The following SLC1A2 variants were observed in gnomAD, a reference collection of about 807,000 sequenced individuals.
The protein encoded by SLC1A2 is excitatory amino acid transporter 2.
A neutral mutation model predicts 48.8 loss-of-function variants in SLC1A2; 15 were observed. The ratio of observed to expected loss-of-function variants is 0.31; its 90% CI spans 0.21 to 0.47. The LOEUF (loss-of-function observed/expected upper bound fraction) is 0.47, where lower values mean the gene tolerates loss of function less well. SLC1A2 is among the 20% of genes least tolerant of loss of function. The pLI is 0.99. For missense variants in SLC1A2, 502 were observed against 730.5 expected (o/e 0.69, Z 3.61); for synonymous variants, 279 against 272.6 (o/e 1.02, Z -0.23).
chr11:35,386,848 A>G (rs1001459563), intron 1 of SLC1A2, among the ~76,000 whole-genome samples: 1 of 152,208 alleles, frequency 6.6e-6, no homozygotes, highest in Non-Finnish European at 1.5e-5. Context: ...CCTTAAAATT[A>G]CCTTGTCTGA....
intron 1 of SLC1A2, among the ~76,000 whole-genome samples, chr11:35,388,935 G>A (rs76526624): frequency 4.6e-5 from 7 of 152,078 alleles, no homozygotes; most frequent in South Asian, 4.2e-4. Flanking sequence ...AATAAACACC[G>A]GGGACTCCAA....
At chr11:35,295,373 C>T (rs1046056944) in intron 6 of SLC1A2, among the ~76,000 whole-genome samples, 2 of 152,172 alleles carry the variant, frequency 1.3e-5, no homozygotes, top group African/African-American at 4.8e-5. Context: ...ACAACTTAGG[C>T]CTTCACTCCG....
chr11:35,369,150 T>C (rs1461655924), intron 1 of SLC1A2, among the ~76,000 whole-genome samples: 2 of 152,224 alleles, frequency 1.3e-5, no homozygotes, highest in Non-Finnish European at 2.9e-5. Context: ...CATCAAGTCC[T>C]GCTCTGGAGT....
chr11:35,343,129 GGGTGGTTGCA>G (rs1441010039), intron 1 of SLC1A2, among the ~76,000 whole-genome samples: 4 of 152,364 alleles, frequency 2.6e-5, no homozygotes, highest in African/African-American at 9.6e-5. Context: ...GAATAATACA[GGGTGGTTGCA>G]GGAGAATAGA....
intron 7 of SLC1A2, chr11:35,291,705 A>G (rs879413182): frequency 2.1e-4 from 33 of 154,614 alleles, no homozygotes; most frequent in Non-Finnish European, 3.7e-4. Flanking sequence ...TACTGGAACT[A>G]AGTAACAAAG....
At chr11:35,382,841 T>G (rs980417822) in intron 1 of SLC1A2, among the ~76,000 whole-genome samples, 1 of 151,948 alleles carries the variant, frequency 6.6e-6, no homozygotes, top group African/African-American at 2.4e-5. Context: ...ATGATCTAGA[T>G]CATGCTTTAG....
At chr11:35,338,936 C>T (rs1007054841) in intron 1 of SLC1A2, among the ~76,000 whole-genome samples, 1 of 152,196 alleles carries the variant, frequency 6.6e-6, no homozygotes, top group African/African-American at 2.4e-5. Context: ...AAGGGGTCAG[C>T]ATCTAGAGCT....
rs1554994050 is a variant in SLC1A2 at position 35,284,565 on chromosome 11, G to GTGTGTA, written c.1286+2191_1286+2192insTACACA. Among the ~76,000 whole-genome samples, 8 of 152,092 alleles carry GTGTGTA rather than the reference G, an allele frequency of 5.3e-5. No individual in the cohort carries two copies. In the South Asian group the frequency reaches 1.7e-3, roughly 32 times the overall value. ...ATATTGTGTGTGTGTGTGTGTGTGT[G>GTGTGTA]TGTATTAAACATGGTGAATTTTTTC... On this transcript the variant is annotated intron_variant, in intron 8 of 10. Transcript: ENST00000278379.
intron 1 of SLC1A2, among the ~76,000 whole-genome samples, chr11:35,341,241 G>GAAGTGGGGGTAACGAGACTT (rs1852830378): frequency 6.6e-6 from 1 of 152,168 alleles, no homozygotes; most frequent in Non-Finnish European, 1.5e-5. Context: ...GTAGAGGGGA[G>GAAGTGGGGGTAACGAGACTT]AAGTGGGGGT....
intron 1 of SLC1A2, among the ~76,000 whole-genome samples, chr11:35,326,878 A>G (rs1046894708): frequency 6.6e-6 from 1 of 152,190 alleles, no homozygotes; most frequent in African/African-American, 2.4e-5. Flanking sequence ...AAACTCACGG[A>G]AAAAGCAACC....
chr11:35,406,448 G>T (rs776423352), intron 1 of SLC1A2, among the ~76,000 whole-genome samples: 3 of 152,130 alleles, frequency 2.0e-5, no homozygotes, highest in Non-Finnish European at 2.9e-5. Flanking sequence ...GGAAGAGAAG[G>T]CCTCTCTGGG....
intron 1 of SLC1A2, among the ~76,000 whole-genome samples, chr11:35,404,766 C>T (rs2135281415): frequency 6.6e-6 from 1 of 152,276 alleles, no homozygotes; most frequent in South Asian, 2.1e-4. Context: ...TTGCCTTGAA[C>T]CCCATTGACA....
At chr11:35,323,003 T>C (rs561881326) in intron 1 of SLC1A2, 3 of 539,958 alleles carry the variant, frequency 5.6e-6, no homozygotes, top group African/African-American at 3.8e-5. Flanking sequence ...AGTCTCTCTC[T>C]GACAGATACC....
At chr11:35,291,386 C>T (rs1413505933) in intron 7 of SLC1A2, 2 of 151,990 alleles carry the variant, frequency 1.3e-5, no homozygotes, top group Non-Finnish European at 2.9e-5. Context: ...CACAGACTAC[C>T]GAATAGCTGG....
intron 1 of SLC1A2, among the ~76,000 whole-genome samples, chr11:35,359,161 C>G (rs1273568539): frequency 6.6e-6 from 1 of 152,168 alleles, no homozygotes; most frequent in Non-Finnish European, 1.5e-5. Flanking sequence ...ACAGCTATCA[C>G]ACAACAGGGA....
chr11:35,279,630 G>T (rs1850558033), intron 9 of SLC1A2, among the ~76,000 whole-genome samples: 1 of 152,174 alleles, frequency 6.6e-6, no homozygotes, highest in Non-Finnish European at 1.5e-5. Context: ...AGCTACCACT[G>T]CCTTTAGAAG....
intron 1 of SLC1A2, among the ~76,000 whole-genome samples, chr11:35,398,378 G>A (rs1326205436): frequency 1.3e-5 from 2 of 152,152 alleles, no homozygotes; most frequent in Non-Finnish European, 2.9e-5. Context: ...GATACATCTG[G>A]AGGCCATTAT....
Position 35,358,350 on chromosome 11 carries a change from C to A in SLC1A2, c.18-40834G>T, listed in dbSNP as rs534710068. Among the ~76,000 whole-genome samples, 10 of 152,226 alleles carry A rather than the reference C, an allele frequency of 6.6e-5. No individual in the cohort carries two copies. In the South Asian group the frequency reaches 1.5e-3, roughly 22 times the overall value. ...ACTGCTCTGCAATGAGCATGTAGAA[C>A]TTTTATGATCATAATATTAATCATG... On this transcript the variant is annotated intron_variant, in intron 1 of 10. Coordinates refer to ENST00000278379, the MANE Select transcript of SLC1A2 (RefSeq NM_004171.4).
intron 1 of SLC1A2, among the ~76,000 whole-genome samples, chr11:35,347,117 A>C (rs1853065179): frequency 6.6e-6 from 1 of 152,242 alleles, no homozygotes; most frequent in Non-Finnish European, 1.5e-5. Flanking sequence ...GAAAACAGAC[A>C]AGAAAAAAGA....
Sources: allele counts gnomAD v4.1 joint callset (sites outside exome capture counted in the v4.1 genomes callset), GRCh38; gene constraint gnomAD v4.1.1; transcripts MANE v1.5; gene names NCBI Gene and HGNC (gene_info 2026-07-23, HGNC 2026-07-21).